Variants in KCNMA1 observed in about 807,000 individuals in gnomAD.
KCNMA1 encodes Calcium-activated potassium channel subunit alpha-1.
In KCNMA1, 29 loss-of-function variants were observed where a neutral mutation model predicts 140.0. The ratio of observed to expected loss-of-function variants is 0.21; its 90% confidence interval spans 0.15 to 0.28. The LOEUF is 0.28. Ranked by LOEUF, KCNMA1 falls within the 10% of genes least tolerant of loss-of-function variation. The probability of loss-of-function intolerance (pLI) is 1.00; values close to 1 mark genes in which losing one functional copy is unlikely to be tolerated. For synonymous variants in KCNMA1, 612 were observed against 611.9 expected, an observed-to-expected ratio of 1.00 and a Z score of 0.00; for missense variants, 880 against 1,602.2, an observed-to-expected ratio of 0.55 and a Z score of 7.70.
At chr10:77,182,088 C>T (rs920697130) in intron 5 of KCNMA1, among the ~76,000 whole-genome samples, 7 of 152,138 alleles carry the variant, frequency 4.6e-5, no homozygotes, top group African/African-American at 9.7e-5. Context: ...CCTATCTTGA[C>T]ACAACATTTT....
chr10:77,559,071 C>T (rs1279687233), intron 1 of KCNMA1, among the ~76,000 whole-genome samples: 1 of 152,146 alleles, frequency 6.6e-6, no homozygotes, highest in Non-Finnish European at 1.5e-5. Flanking sequence ...TCAGCCCAGC[C>T]CCTGTCACTG....
intron 2 of KCNMA1, among the ~76,000 whole-genome samples, chr10:77,388,072 G>C (rs2095680609): frequency 1.3e-5 from 2 of 152,194 alleles, no homozygotes; most frequent in Admixed American, 6.5e-5. Context: ...TGCTAGACTT[G>C]ATCTCTTCTA....
chr10:77,046,039 G>A (rs1227901197), intron 14 of KCNMA1, among the ~76,000 whole-genome samples: 1 of 152,170 alleles, frequency 6.6e-6, no homozygotes, highest in Admixed American at 6.5e-5. Flanking sequence ...TGACCATTAT[G>A]TTAATAGCTG....
At chr10:77,616,756 A>G (rs919331424) in intron 1 of KCNMA1, among the ~76,000 whole-genome samples, 1 of 151,918 alleles carries the variant, frequency 6.6e-6, no homozygotes, top group Non-Finnish European at 1.5e-5. Context: ...CAGTGAGCCG[A>G]GACTGCACCA....
At chr10:77,089,711 C>G (rs1304319686) in intron 10 of KCNMA1, among the ~76,000 whole-genome samples, 1 of 152,156 alleles carries the variant, frequency 6.6e-6, no homozygotes, top group Non-Finnish European at 1.5e-5. Context: ...TCATTTCATT[C>G]TCATCACAGC....
chr10:77,061,434 G>A (rs957103815), intron 14 of KCNMA1, among the ~76,000 whole-genome samples: 13 of 152,116 alleles, frequency 8.5e-5, no homozygotes, highest in South Asian at 2.1e-4. Flanking sequence ...GGAAATACAC[G>A]TGAAAACCAC....
At chr10:77,635,016 T>C (rs2093608113) in intron 1 of KCNMA1, 1 of 152,210 alleles carries the variant, frequency 6.6e-6, no homozygotes, top group African/African-American at 2.4e-5. Context: ...TGGCCTCACA[T>C]CTTCCAAACA....
Position 77,027,025 on chromosome 10 carries a change from A to G in KCNMA1, c.1928+798T>C, listed in dbSNP as rs542852926. ...TAGACTGTGGGTGTCATTTCAGAGA[A>G]CAAAAGCTTGAGCATTTCTCAATGA... On this transcript the variant is annotated intron_variant, in intron 16 of 27. Coordinates refer to ENST00000286628, the MANE Select transcript of KCNMA1 (RefSeq NM_001161352.2). Among the ~76,000 whole-genome samples, 53 of 152,336 alleles carry G rather than the reference A, an allele frequency of 3.5e-4. 1 individual carries two copies. The South Asian group carries it at 0.01, about 29-fold the overall frequency.
chr10:77,394,630 T>C (rs960985072), intron 2 of KCNMA1, among the ~76,000 whole-genome samples: 1 of 152,196 alleles, frequency 6.6e-6, no homozygotes, highest in Non-Finnish European at 1.5e-5. Flanking sequence ...CTATGGAACT[T>C]GGGGACCCAC....
At chr10:77,003,942 C>T (rs1233602050) in intron 18 of KCNMA1, among the ~76,000 whole-genome samples, 1 of 152,162 alleles carries the variant, frequency 6.6e-6, no homozygotes. Context: ...CTCTCAGGGA[C>T]TGTTTGCAAC....
At chr10:77,065,161 G>A (rs1057122510) in intron 14 of KCNMA1, among the ~76,000 whole-genome samples, 1 of 152,148 alleles carries the variant, frequency 6.6e-6, no homozygotes, top group African/African-American at 2.4e-5. Context: ...GTCAGGCGCT[G>A]TTCTAGGCAC....
intron 2 of KCNMA1, among the ~76,000 whole-genome samples, chr10:77,332,146 A>C (rs1261095681): frequency 2.6e-5 from 4 of 152,130 alleles, no homozygotes; most frequent in African/African-American, 9.7e-5. Context: ...CTGAGTACGC[A>C]GGGGTAAGGG....
At chr10:77,345,132 G>C (rs1051210496) in intron 2 of KCNMA1, among the ~76,000 whole-genome samples, 1 of 152,158 alleles carries the variant, frequency 6.6e-6, no homozygotes, top group Non-Finnish European at 1.5e-5. Context: ...AAATATTTAA[G>C]AAATATTTGT....
intron 1 of KCNMA1, among the ~76,000 whole-genome samples, chr10:77,521,507 T>C (rs184465899): frequency 7.7e-4 from 118 of 152,304 alleles, no homozygotes; most frequent in African/African-American, 2.8e-3. Flanking sequence ...GGGCAAGTGA[T>C]TTAACTGCCT....
chr10:76,958,010 C>G (rs76356462), intron 20 of KCNMA1, among the ~76,000 whole-genome samples: 8,900 of 152,276 alleles, frequency 0.058, 455 homozygotes, highest in Admixed American at 0.16. Flanking sequence ...GGAGAGTGTA[C>G]AGTCAGTTGT....
chr10:77,332,902 T>C (rs1258945173), intron 2 of KCNMA1, among the ~76,000 whole-genome samples: 1 of 152,212 alleles, frequency 6.6e-6, no homozygotes, highest in African/African-American at 2.4e-5. Flanking sequence ...TACATGCACC[T>C]GTGTGTTAAT....
At chr10:77,422,792 A>G (rs2096895465) in intron 1 of KCNMA1, among the ~76,000 whole-genome samples, 2 of 152,206 alleles carry the variant, frequency 1.3e-5, no homozygotes, top group Admixed American at 6.5e-5. Context: ...GGTGGCTGCA[A>G]GTCAAAGACT....
intron 5 of KCNMA1, among the ~76,000 whole-genome samples, chr10:77,133,133 A>AG (rs912238137): frequency 7.2e-6 from 1 of 139,644 alleles, no homozygotes; most frequent in Admixed American, 7.6e-5. Context: ...CATAGCCTAG[A>AG]GAAAAAAAAA....
intron 3 of KCNMA1, among the ~76,000 whole-genome samples, chr10:77,213,672 G>A (rs1474081213): frequency 6.6e-6 from 1 of 152,062 alleles, no homozygotes; most frequent in African/African-American, 2.4e-5. Flanking sequence ...CCAGGACATA[G>A]ACCAACCACC....
Sources: gnomAD v4.1 joint callset for allele counts (sites outside exome capture counted in the v4.1 genomes callset) on GRCh38, gnomAD v4.1.1 for gene constraint, MANE v1.5 for transcripts, NCBI Gene and HGNC (gene_info 2026-07-23, HGNC 2026-07-21) for gene names.